The following MS4A7 variants were observed in gnomAD, a reference collection of about 807,000 sequenced individuals.
MS4A7 encodes the protein membrane-spanning 4-domains subfamily A member 7.
Under a neutral mutation model 23.5 loss-of-function variants are expected in MS4A7, and 21 were observed. That is an observed-to-expected ratio of 0.89 (90% CI 0.63 to 1.29). MS4A7 has a LOEUF of 1.29. Ranked by LOEUF, MS4A7 falls within the 50% of genes most tolerant of loss-of-function variation. The pLI is 0.00. For synonymous variants in MS4A7, 111 were observed against 107.4 expected, an observed-to-expected ratio of 1.03 and a Z score of -0.21; for missense variants, 263 against 274.2, an observed-to-expected ratio of 0.96 and a Z score of 0.29.
chr11:60,392,993 C>CGCTACTA (rs1318279242), intron 6 of MS4A7, among the ~76,000 whole-genome samples: 1 of 152,094 alleles, frequency 6.6e-6, no homozygotes, highest in Non-Finnish European at 1.5e-5. Context: ...CAGTGGCACA[C>CGCTACTA]GCCTGTAGTC....
At chr11:60,392,950 T>C (rs2233255) in intron 6 of MS4A7, among the ~76,000 whole-genome samples, 164 bp downstream of exon 6, 1,636 of 152,166 alleles carry the variant, frequency 0.011, 77 homozygotes, top group Admixed American at 0.083. Flanking sequence ...TGAAACCCCA[T>C]CTCTACTAAA....
chr11:60,392,894 T>C (rs1449346107), intron 6 of MS4A7, 108 bp downstream of exon 6: 3 of 747,002 alleles, frequency 4.0e-6, no homozygotes, highest in African/African-American at 1.8e-5. Flanking sequence ...GTTCATGAGG[T>C]GCATGTGGAA....
rs1590800775 is a variant in MS4A7, at chr11:60,394,914, C to T, written c.*1053C>T. 24 of 603,674 alleles carry T rather than the reference C, an allele frequency of 4.0e-5. No homozygotes were observed. In the East Asian group the frequency reaches 6.7e-4, roughly 17 times the overall value. The allele number at this position is 603,674 out of a possible 1,614,324, so 37.4% of individuals were successfully genotyped here. On this transcript the variant is annotated 3_prime_UTR_variant, in exon 7 of 7. Transcript: ENST00000300184. ...ATAAAAAAGAATATTCAGTCGTTGG[C>T]ACATAAACTATGTTCTCTTCTGTCA... is the stretch of plus-strand genomic sequence containing the variant.
Position 60,392,780 on chromosome 11 carries a change from CCCTGGGGTG to C in MS4A7, c.643_648+3del, listed in dbSNP as rs1256036794. On this transcript the variant is annotated splice_donor_variant and splice_donor_region_variant and coding_sequence_variant and intron_variant, in exon 6 of 7. Coordinates refer to ENST00000300184, the MANE Select transcript of MS4A7 (RefSeq NM_021201.5). LOFTEE classifies it high-confidence loss of function. The stretch of plus-strand genomic sequence containing the variant: ...GGTGGAAACAGCTCTACTCCAACAA[CCCTGGGGTG>C]AGTATGCTGACATGTCGCCTGATAC... The C allele has an allele frequency of 4.3e-6, 7 of 1,609,874 alleles. No individual in the cohort carries two copies. In the Admixed American group the frequency reaches 5.0e-5, roughly 12 times the overall value.
intron 1 of MS4A7, among the ~76,000 whole-genome samples, chr11:60,382,818 G>A (rs2085444612): frequency 6.6e-6 from 1 of 152,176 alleles, no homozygotes; most frequent in Non-Finnish European, 1.5e-5. Flanking sequence ...GTCACTGGAG[G>A]GAGAGGGAGA....
rs138787326 is a variant in MS4A7, at chr11:60,382,023, G to A, written c.-13-1106G>A. ...CCAACACATTGAGGCAAAATGTCAG[G>A]CAGCAGAGCTGTGGCACCTTTCAAG... On this transcript the variant is annotated intron_variant, in intron 1 of 6. Transcript: ENST00000300184. Among the ~76,000 whole-genome samples the A allele has an allele frequency of 3.3e-5, 5 of 152,332 alleles. No individual in the cohort carries two copies. The East Asian group carries it at 9.6e-4, about 29-fold the overall frequency.
intron 2 of MS4A7, 56 bp from the exon 3 acceptor site, chr11:60,385,032 T>G (rs1160566597): frequency 5.3e-6 from 8 of 1,514,264 alleles, no homozygotes; most frequent in Non-Finnish European, 7.3e-6. Context: ...TGCATTCAAA[T>G]AATCACTTTT....
rs146286212 is a variant in MS4A7, at chr11:60,393,283, C to T, written c.648+497C>T. On this transcript the variant is annotated intron_variant, in intron 6 of 6. Coordinates refer to ENST00000300184, the MANE Select transcript of MS4A7 (RefSeq NM_021201.5). ...AGCCCAACCCCTCATGAAAGAACCACGGCTTGGATAAAATTACATAGAAAA... is the reference window on the plus strand; with the variant it reads ...AGCCCAACCCCTCATGAAAGAACCATGGCTTGGATAAAATTACATAGAAAA... 1.3e-3 allele frequency among the ~76,000 whole-genome samples: 204 copies of T among 152,282 alleles called. 2 individuals carry two copies. Among genetic ancestry groups the T allele is most frequent in the African/African-American group, 4.0e-3 (165 of 41,554 alleles).
In MS4A7 at chr11:60,386,751, G is replaced by C. The variant is rs770704115; in HGVS notation, c.317G>C (p.Gly106Ala). The C allele has an allele frequency of 1.2e-6, 2 of 1,612,982 alleles. No homozygotes were observed. The highest frequency in any genetic ancestry group is 3.3e-5 in the Admixed American group (2 of 59,972). The change falls in exon 4 of 7, where the codon GGA becomes GCA. Residue 106 changes from glycine (G) to alanine (A), a missense_variant. By Grantham distance (60) the Gly-to-Ala change is moderately conservative. Coordinates refer to ENST00000300184, the MANE Select transcript of MS4A7 (RefSeq NM_021201.5). ...ACTGGATCCCTCTCAATTATCTCTG[G>C]AAAACAATCAACTAAGCCCTTTGTA... ...GITGSLSIISGKQSTKPFDLS... is the reference protein window; with the variant it reads ...GITGSLSIISAKQSTKPFDLS...
intron 3 of MS4A7, 73 bp from the exon 4 acceptor site, chr11:60,386,644 G>A: frequency 8.1e-7 from 1 of 1,233,180 alleles, no homozygotes; most frequent in South Asian, 1.3e-5. Flanking sequence ...TTTTGATTGA[G>A]TGATTGACAG....
At chr11:60,389,331 A>G in intron 4 of MS4A7, 59 bp from the exon 5 acceptor site, 2 of 1,401,702 alleles carry the variant, frequency 1.4e-6, no homozygotes, top group Non-Finnish European at 2.0e-6. Flanking sequence ...TGGACAGAGG[A>G]CTAATAGTGT....
At chr11:60,390,024 A>G (rs1039644112) in intron 5 of MS4A7, 4 of 221,780 alleles carry the variant, frequency 1.8e-5, no homozygotes, top group African/African-American at 4.6e-5. Context: ...TACCCCTTAA[A>G]GATGCTTGTC....
intron 4 of MS4A7, 22 bp from the exon 5 acceptor site, chr11:60,389,368 C>A: frequency 6.3e-7 from 1 of 1,586,672 alleles, no homozygotes. Context: ...GATGAGAACC[C>A]AATGCAGAGT....
chr11:60,382,350 A>C (rs994964274), intron 1 of MS4A7, among the ~76,000 whole-genome samples: 4 of 152,370 alleles, frequency 2.6e-5, no homozygotes, highest in African/African-American at 9.6e-5. Flanking sequence ...GGCTGTTAAT[A>C]TTTGCTACCA....
rs779121785 is a variant in MS4A7 at position 60,393,814 on chromosome 11, G to C, written c.676G>C (p.Asp226His). ...TTCATTTTCCTCGACCCAGTCACAA[G>C]ATCATATCCAACAGGTCAAAAAGAG... is the stretch of plus-strand genomic sequence containing the variant. ...GSSFSSTQSQDHIQQVKKSSS... is the reference protein window; with the variant it reads ...GSSFSSTQSQHHIQQVKKSSS... The change falls in exon 7 of 7, where the codon GAT becomes CAT. Residue 226 changes from aspartate to histidine, a missense_variant. Transcript: ENST00000300184. The C allele has an allele frequency of 3.1e-6, 5 of 1,611,920 alleles. No individual in the cohort carries two copies. The Admixed American group carries it at 8.4e-5, about 27-fold the overall frequency.
In MS4A7 at chr11:60,386,713, G is replaced by T. The variant is rs773989621; in HGVS notation, c.283-4G>T. Reference sequence around the variant, plus strand: ...AACTGATCATTTCTCTCTCTTCTGGGCAGTTTGGCATTACTGGATCCCTCT... The same window carrying T: ...AACTGATCATTTCTCTCTCTTCTGGTCAGTTTGGCATTACTGGATCCCTCT... On this transcript the variant is annotated splice_polypyrimidine_tract_variant and splice_region_variant and intron_variant, in intron 3 of 6. Coordinates refer to ENST00000300184, the MANE Select transcript of MS4A7 (RefSeq NM_021201.5). 1.9e-6 allele frequency: 3 copies of T among 1,611,282 alleles called. No individual in the cohort carries two copies. In the South Asian group the frequency reaches 3.3e-5, roughly 18 times the overall value.
intron 2 of MS4A7, among the ~76,000 whole-genome samples, chr11:60,384,413 A>G (rs2135096489): frequency 6.6e-6 from 1 of 152,334 alleles, no homozygotes; most frequent in Non-Finnish European, 1.5e-5. Context: ...TAGTACACAT[A>G]TAAGCTCTCC....
rs2085447825 is a variant in MS4A7 at position 60,383,145 on chromosome 11, C to T, written c.4C>T (p.Leu2=). The part of the protein sequence containing the change: M[L]LQSQTMGVSH... ...CTCTTCCAGCATCATCAGCATCATG[C>T]TATTACAATCCCAAACCATGGGGGT... Residue 2 remains leucine (L), a synonymous_variant, in exon 2 of 7, where the codon CTA becomes TTA. Coordinates refer to ENST00000300184, the MANE Select transcript of MS4A7 (RefSeq NM_021201.5). 3 of 1,613,476 alleles carry T rather than the reference C, an allele frequency of 1.9e-6. No homozygotes were observed. The highest frequency in any genetic ancestry group is 2.5e-6 in the Non-Finnish European group (3 of 1,179,694).
Position 60,390,330 on chromosome 11 carries a change from T to C in MS4A7, c.546+734T>C, listed in dbSNP as rs1312686650. Reference sequence around the variant, plus strand: ...GTGACAAGCCTTGCTTATTCAATCCTATAAATATAGTATCATGGTGTTAAA... The same window carrying C: ...GTGACAAGCCTTGCTTATTCAATCCCATAAATATAGTATCATGGTGTTAAA... On this transcript the variant is annotated intron_variant, in intron 5 of 6. Transcript: ENST00000300184. Among the ~76,000 whole-genome samples, 3 of 152,212 alleles carry C rather than the reference T, an allele frequency of 2.0e-5. No homozygotes were observed. The East Asian group carries it at 5.8e-4, about 29-fold the overall frequency.
Sources: allele counts gnomAD v4.1 joint callset (sites outside exome capture counted in the v4.1 genomes callset), GRCh38; gene constraint gnomAD v4.1.1; transcripts MANE v1.5; gene names NCBI Gene and HGNC (gene_info 2026-07-23, HGNC 2026-07-21).